CCN4: variants seen among roughly 807,000 people sequenced by gnomAD.
CCN4 encodes the protein cellular communication network factor 4.
In CCN4, 30 loss-of-function variants were observed where a neutral mutation model predicts 36.7. The observed-to-expected ratio is 0.82, with a 90% confidence interval of 0.61 to 1.11. CCN4 has a LOEUF of 1.11. Ranked by LOEUF, CCN4 falls within the 50% of genes least tolerant of loss-of-function variation. The pLI, the probability that CCN4 is intolerant of heterozygous loss-of-function variation, is 0.00. For missense variants in CCN4, 505 were observed against 504.9 expected, an observed-to-expected ratio of 1.00 and a Z score of 0.00; for synonymous variants, 191 against 195.4, an observed-to-expected ratio of 0.98 and a Z score of 0.19.
chr8:133,213,701 A>G (rs1371129580), intron 2 of CCN4, among the ~76,000 whole-genome samples: 2 of 147,734 alleles, frequency 1.4e-5, no homozygotes, highest in African/African-American at 4.9e-5. Flanking sequence ...GAAATATACT[A>G]TATATTCTAT....
chr8:133,224,547 C>T (rs947786583), intron 3 of CCN4, among the ~76,000 whole-genome samples: 4 of 152,104 alleles, frequency 2.6e-5, no homozygotes, highest in South Asian at 2.1e-4. Context: ...GGCATCACTG[C>T]GACAAAATGT....
chr8:133,198,939 CA>C (rs1289226400), intron 1 of CCN4, among the ~76,000 whole-genome samples: 8 of 152,252 alleles, frequency 5.3e-5, no homozygotes, highest in African/African-American at 1.7e-4. Flanking sequence ...TCTATGCCTG[CA>C]TATTGCAGGT....
chr8:133,196,064 G>A (rs1170314302), intron 1 of CCN4, among the ~76,000 whole-genome samples: 1 of 152,254 alleles, frequency 6.6e-6, no homozygotes, highest in Admixed American at 6.5e-5. Context: ...TTCAAAGCAA[G>A]GCTTCAGCAC....
At chr8:133,215,919 A>C (rs1383082086) in intron 2 of CCN4, among the ~76,000 whole-genome samples, 2 of 151,928 alleles carry the variant, frequency 1.3e-5, no homozygotes, top group African/African-American at 4.8e-5. Flanking sequence ...CTTCATAATA[A>C]ATTTTTTAGA....
At chr8:133,214,773 C>T (rs1015989838) in intron 2 of CCN4, among the ~76,000 whole-genome samples, 1 of 152,106 alleles carries the variant, frequency 6.6e-6, no homozygotes, top group Non-Finnish European at 1.5e-5. Context: ...CCAAAAACTC[C>T]CTTCTTCCCT....
Position 133,227,931 on chromosome 8 carries a change from GCCTGTCT to G in CCN4, c.*223_*229del. The G allele has an allele frequency of 1.8e-6, 1 of 557,512 alleles. No homozygotes were observed. The highest frequency in any genetic ancestry group is 2.6e-5 in the South Asian group (1 of 38,764). 34.5% of individuals were successfully genotyped at this position (557,512 alleles called of 1,614,324 possible). ...TTCAGCATCTACTCTAAAGAAAAAT[GCCTGTCT>G]CTAGCTGTTCTGGACTACACCCAAG... On this transcript the variant is annotated 3_prime_UTR_variant, in exon 5 of 5. Transcript: ENST00000250160.
At chr8:133,211,911 C>A (rs1409495775) in intron 1 of CCN4, among the ~76,000 whole-genome samples, 1 of 152,200 alleles carries the variant, frequency 6.6e-6, no homozygotes, top group Non-Finnish European at 1.5e-5. Context: ...GGGGGGCAAC[C>A]AGATGGGACA....
In CCN4 at chr8:133,230,468, G is replaced by GC. The variant is rs36017627; in HGVS notation, c.*2763dup. On this transcript the variant is annotated 3_prime_UTR_variant, in exon 5 of 5. Transcript: ENST00000250160. ...TATTTTATAAGTGGAAAAGAGAAGT[G>GC]CCCCCAAAAAGTTAGAGCTCAAACA... The GC allele has an allele frequency of 1.3e-5, 2 of 152,142 alleles. No individual in the cohort carries two copies. The highest frequency in any genetic ancestry group is 4.8e-5 in the African/African-American group (2 of 41,426). The allele number at this position is 152,142 out of a possible 1,614,324, so 9.4% of individuals were successfully genotyped here.
intron 3 of CCN4, 47 bp downstream of exon 3, chr8:133,220,888 T>A (rs755641371): frequency 6.4e-7 from 1 of 1,555,402 alleles, no homozygotes; most frequent in Non-Finnish European, 8.7e-7. Context: ...TACAAATGGG[T>A]TGTGGACCCT....
intron 1 of CCN4, among the ~76,000 whole-genome samples, chr8:133,195,205 GTA>G (rs1853333285): frequency 6.8e-6 from 1 of 147,696 alleles, no homozygotes; most frequent in Non-Finnish European, 1.5e-5. Context: ...TGTGGTGTGT[GTA>G]TGGTGTGTGT....
intron 2 of CCN4, among the ~76,000 whole-genome samples, chr8:133,219,743 G>T (rs1854451519): frequency 6.6e-6 from 1 of 152,088 alleles, no homozygotes; most frequent in African/African-American, 2.4e-5. Flanking sequence ...TTCAACAGTT[G>T]GCTGGGATTC....
At chr8:133,227,314 C>T in intron 4 of CCN4, 97 bp from the exon 5 acceptor site, 1 of 1,313,166 alleles carries the variant, frequency 7.6e-7, no homozygotes, top group South Asian at 1.4e-5. Flanking sequence ...TGGAATGCTC[C>T]CACATAGTGA....
chr8:133,198,131 A>G (rs905914846), intron 1 of CCN4, among the ~76,000 whole-genome samples: 2 of 152,298 alleles, frequency 1.3e-5, no homozygotes, highest in East Asian at 3.9e-4. Context: ...TGGAGCTGCC[A>G]TATATTCCAA....
intron 2 of CCN4, among the ~76,000 whole-genome samples, chr8:133,217,928 T>A: frequency 3.9e-5 from 1 of 25,616 alleles, no homozygotes; most frequent in African/African-American, 3.0e-4. Context: ...CTTAGCCCAC[T>A]CCCTTCTCCA....
chr8:133,221,377 A>G (rs927192193), intron 3 of CCN4, among the ~76,000 whole-genome samples: 2 of 152,222 alleles, frequency 1.3e-5, no homozygotes, highest in African/African-American at 4.8e-5. Flanking sequence ...TACACTTAGC[A>G]GGTATCCAAT....
At chr8:133,224,634 T>G (rs1449425247) in intron 3 of CCN4, among the ~76,000 whole-genome samples, 1 of 152,146 alleles carries the variant, frequency 6.6e-6, no homozygotes, top group Admixed American at 6.5e-5. Flanking sequence ...GGAGAATGTC[T>G]TTTAAAACTC....
intron 2 of CCN4, 25 bp from the exon 3 acceptor site, chr8:133,220,556 C>A: frequency 6.2e-7 from 1 of 1,603,662 alleles, no homozygotes; most frequent in South Asian, 1.1e-5. Context: ...GGCCACTGGG[C>A]CTGACCGGCC....
At chr8:133,215,630 C>T (rs1224679462) in intron 2 of CCN4, among the ~76,000 whole-genome samples, 1 of 152,104 alleles carries the variant, frequency 6.6e-6, no homozygotes, top group Non-Finnish European at 1.5e-5. Context: ...CTGTCCTCCT[C>T]ACCCCCTATC....
chr8:133,224,303 C>T (rs1005700449), intron 3 of CCN4, among the ~76,000 whole-genome samples: 10 of 136,644 alleles, frequency 7.3e-5, no homozygotes, highest in South Asian at 4.8e-4. Context: ...TGCACGGGCA[C>T]GATCTTGGCT....
Sources: allele counts gnomAD v4.1 joint callset (sites outside exome capture counted in the v4.1 genomes callset), GRCh38; gene constraint gnomAD v4.1.1; transcripts MANE v1.5; gene names NCBI Gene and HGNC (gene_info 2026-07-23, HGNC 2026-07-21).